Variants in DCHS2 observed in about 807,000 individuals in gnomAD.
DCHS2 encodes protocadherin-23.
DCHS2 carries 142 observed loss-of-function variants against 182.4 expected under a neutral mutation model. The observed-to-expected ratio is 0.78, with a 90% CI of 0.68 to 0.89. DCHS2 has a LOEUF of 0.89. Among genes scored for constraint, DCHS2 ranks in the 40% least tolerant of loss-of-function variants. The pLI is 0.00. For synonymous variants in DCHS2, 1,740 were observed against 1,663.3 expected, an observed-to-expected ratio of 1.05 and a Z score of -1.12; for missense variants, 4,319 against 4,198.6, an observed-to-expected ratio of 1.03 and a Z score of -0.79.
intron 1 of DCHS2, among the ~76,000 whole-genome samples, chr4:154,452,141 G>A (rs1734561164): frequency 6.6e-6 from 1 of 152,114 alleles, no homozygotes; most frequent in Admixed American, 6.5e-5. Context: ...TCATGGGTTT[G>A]TGCCCATGTT....
intron 1 of DCHS2, among the ~76,000 whole-genome samples, chr4:154,471,202 G>A (rs371683048): frequency 6.6e-6 from 1 of 152,132 alleles, no homozygotes; most frequent in Admixed American, 6.5e-5. Context: ...CAACTCCACA[G>A]TGTCTCCGAC....
At chr4:154,410,627 G>A (rs1226557116) in intron 1 of DCHS2, among the ~76,000 whole-genome samples, 1 of 147,024 alleles carries the variant, frequency 6.8e-6, no homozygotes, top group Non-Finnish European at 1.5e-5. Context: ...GGACTCATGG[G>A]ACACCAATAA....
At chr4:154,317,386 T>C (rs186002507) in intron 9 of DCHS2, among the ~76,000 whole-genome samples, 1 of 152,362 alleles carries the variant, frequency 6.6e-6, no homozygotes. Context: ...AGCCTGTGTC[T>C]GGACTATTTC....
chr4:154,255,459 C>T (rs1386283019), intron 16 of DCHS2, 60 bp downstream of exon 16: 50 of 1,547,742 alleles, frequency 3.2e-5, no homozygotes, highest in Non-Finnish European at 4.1e-5. Flanking sequence ...AACAAAACAG[C>T]AATGTTGTCA....
intron 1 of DCHS2, among the ~76,000 whole-genome samples, chr4:154,446,636 C>A (rs943928028): frequency 6.6e-6 from 1 of 152,082 alleles, no homozygotes; most frequent in African/African-American, 2.4e-5. Flanking sequence ...TGAGCTGGAA[C>A]CTGAGTGCAG....
In DCHS2 at chr4:154,491,522, A is replaced by G. The variant is rs926235368; in HGVS notation, c.-167T>C. 1 of 1,397,998 alleles carries G rather than the reference A, an allele frequency of 7.2e-7. No individual in the cohort carries two copies. The allele number at this position is 1,397,998 out of a possible 1,614,324, so 86.6% of individuals were successfully genotyped here. A position where few individuals can be genotyped will look rare whatever the true frequency, so the allele number is the denominator to read the frequency against. On this transcript the variant is annotated 5_prime_UTR_variant, in exon 1 of 20. Coordinates refer to ENST00000357232, the MANE Select transcript of DCHS2 (RefSeq NM_001358235.2). ...CCGAGGTTACATCTGCAACTGGTGA[A>G]AGCGTCCTCTGCCTGCAGCTCACGC... is the stretch of plus-strand genomic sequence containing the variant.
chr4:154,414,487 CTTTTTTT>C (rs375818839), intron 1 of DCHS2, among the ~76,000 whole-genome samples: 23 of 73,756 alleles, frequency 3.1e-4, no homozygotes, highest in Admixed American at 1.6e-3. Flanking sequence ...ATACAGCTTT[CTTTTTTT>C]TTTTTTTTTT....
intron 1 of DCHS2, among the ~76,000 whole-genome samples, chr4:154,410,897 A>G (rs1316982471): frequency 1.3e-5 from 2 of 152,218 alleles, no homozygotes; most frequent in Admixed American, 6.5e-5. Context: ...GTATTGACAT[A>G]TATAGGAATC....
chr4:154,481,288 G>T (rs1171620915), intron 1 of DCHS2, among the ~76,000 whole-genome samples: 3 of 152,170 alleles, frequency 2.0e-5, no homozygotes, highest in Non-Finnish European at 4.4e-5. Flanking sequence ...TGGAGACAGG[G>T]TCTTGCTCTG....
intron 16 of DCHS2, among the ~76,000 whole-genome samples, chr4:154,246,949 A>C (rs1303034605): frequency 1.3e-5 from 2 of 152,186 alleles, no homozygotes. Flanking sequence ...AAAATGAAAC[A>C]GGGCAAAACA....
chr4:154,373,799 C>T lies in DCHS2; in HGVS notation c.2244+3454G>A. 3 of 768,582 alleles carry T rather than the reference C, an allele frequency of 3.9e-6. 1 individual carries two copies. The highest frequency in any genetic ancestry group is 4.8e-4 in the Middle Eastern group (2 of 4,130). The allele number at this position is 768,582 out of a possible 1,614,324, so 47.6% of individuals were successfully genotyped here. On this transcript the variant is annotated intron_variant, in intron 2 of 19. Coordinates refer to ENST00000357232, the MANE Select transcript of DCHS2 (RefSeq NM_001358235.2). ...CAAGAGGGCAAGAAGGAGAAAATCA[C>T]AGCCAAGATGGAGAAGGTGTGCAAG...
chr4:154,351,845 G>C (rs978906051), intron 3 of DCHS2, among the ~76,000 whole-genome samples: 2 of 152,150 alleles, frequency 1.3e-5, no homozygotes, highest in Admixed American at 6.5e-5. Flanking sequence ...ACCTCCCATT[G>C]TGTGGCCTGG....
At chr4:154,459,738 C>T (rs1734931101) in intron 1 of DCHS2, among the ~76,000 whole-genome samples, 1 of 4,896 alleles carries the variant, frequency 2.0e-4, no homozygotes, top group African/African-American at 2.8e-4. Context: ...TACACATTCT[C>T]TCTCTCTCTC....
intron 1 of DCHS2, among the ~76,000 whole-genome samples, chr4:154,394,188 G>C (rs944195164): frequency 1.3e-5 from 2 of 152,040 alleles, no homozygotes; most frequent in African/African-American, 4.8e-5. Flanking sequence ...GAGGCCTCAG[G>C]GTCACCAATA....
At chr4:154,274,174 G>T (rs1439500164) in intron 13 of DCHS2, among the ~76,000 whole-genome samples, 1 of 152,118 alleles carries the variant, frequency 6.6e-6, no homozygotes, top group Non-Finnish European at 1.5e-5. Context: ...TCAGGATGCT[G>T]AAGATTCTGG....
intron 3 of DCHS2, among the ~76,000 whole-genome samples, chr4:154,352,228 C>T (rs1189018439): frequency 6.6e-6 from 1 of 152,164 alleles, no homozygotes; most frequent in Non-Finnish European, 1.5e-5. Context: ...AGTGCCATCA[C>T]CCCACAAGTC....
At chr4:154,462,111 T>G (rs1735032681) in intron 1 of DCHS2, among the ~76,000 whole-genome samples, 1 of 152,204 alleles carries the variant, frequency 6.6e-6, no homozygotes, top group Admixed American at 6.5e-5. Flanking sequence ...TTCTCTTCAG[T>G]ACAACAAATA....
chr4:154,238,744 ATTT>A (rs892413462), intron 19 of DCHS2, among the ~76,000 whole-genome samples: 1 of 152,034 alleles, frequency 6.6e-6, no homozygotes, highest in Non-Finnish European at 1.5e-5. Flanking sequence ...GCTATTACTG[ATTT>A]TTTTTAACTT....
At chr4:154,368,680 C>T (rs967495815) in intron 2 of DCHS2, among the ~76,000 whole-genome samples, 1 of 152,274 alleles carries the variant, frequency 6.6e-6, no homozygotes, top group Admixed American at 6.5e-5. Flanking sequence ...CCACACCCGG[C>T]TAATTTTGTA....
Sources: allele counts gnomAD v4.1 joint callset (sites outside exome capture counted in the v4.1 genomes callset), GRCh38; gene constraint gnomAD v4.1.1; transcripts MANE v1.5; gene names NCBI Gene and HGNC (gene_info 2026-07-23, HGNC 2026-07-21).